Variants in GABRB1 observed in about 807,000 individuals in gnomAD.
The protein encoded by GABRB1 is gamma-aminobutyric acid receptor subunit beta-1.
Under a neutral mutation model 51.6 loss-of-function variants are expected in GABRB1, and 17 were observed. That is an observed-to-expected ratio of 0.33 (90% CI 0.23 to 0.49). The LOEUF (loss-of-function observed/expected upper bound fraction) is 0.49, where lower values mean the gene tolerates loss of function less well. GABRB1 is among the 20% of genes least tolerant of loss of function. The pLI is 0.99. For missense variants in GABRB1, 410 were observed against 600.6 expected (o/e 0.68, Z 3.32); for synonymous variants, 247 against 218.9 (o/e 1.13, Z -1.14).
chr4:47,265,609 T>C (rs1234178500), intron 4 of GABRB1, among the ~76,000 whole-genome samples: 1 of 152,132 alleles, frequency 6.6e-6, no homozygotes, highest in African/African-American at 2.4e-5. Context: ...CATCTATGAT[T>C]TTTGACTTTT....
Position 47,022,727 on chromosome 4 carries a change from C to T in GABRB1, c.-19-9187C>T, listed in dbSNP as rs151052348. Among the ~76,000 whole-genome samples, 40 of 152,116 alleles carry T rather than the reference C, an allele frequency of 2.6e-4. No individual in the cohort carries two copies. The East Asian group carries it at 5.4e-3, about 21-fold the overall frequency. ...AGAATGTAAATTAGTACAATTACTA[C>T]GGAGAACAGTTTGGAGGTTCCTCAA... On this transcript the variant is annotated intron_variant, in intron 1 of 3. Transcript: ENST00000513567.
At chr4:47,403,851 C>G in intron 7 of GABRB1, 140 bp downstream of exon 7, 1 of 758,726 alleles carries the variant, frequency 1.3e-6, no homozygotes, top group Non-Finnish European at 2.1e-6. Flanking sequence ...TATAAAACAT[C>G]TAAATGTAAG....
intron 3 of GABRB1, among the ~76,000 whole-genome samples, chr4:47,108,852 A>T (rs935896488): frequency 2.0e-5 from 3 of 152,062 alleles, no homozygotes; most frequent in Admixed American, 2.0e-4. Context: ...GAAAATAAAC[A>T]TCATTTCCCA....
chr4:47,174,983 C>T (rs992506646), intron 4 of GABRB1, among the ~76,000 whole-genome samples: 3 of 136,424 alleles, frequency 2.2e-5, no homozygotes, highest in Admixed American at 7.6e-5. Flanking sequence ...TTTCATCATT[C>T]CTTCCTTCCT....
intron 8 of GABRB1, among the ~76,000 whole-genome samples, chr4:47,413,855 G>A (rs1461000504): frequency 2.0e-5 from 3 of 152,130 alleles, no homozygotes; most frequent in Admixed American, 6.5e-5. Context: ...CCAGACATTC[G>A]GAGAGTTTCA....
intron 8 of GABRB1, among the ~76,000 whole-genome samples, chr4:47,420,890 G>T (rs1489854882): frequency 1.3e-5 from 2 of 151,772 alleles, no homozygotes; most frequent in Admixed American, 6.6e-5. Flanking sequence ...TGGAGGGTGA[G>T]GGTGAAATAT....
intron 4 of GABRB1, among the ~76,000 whole-genome samples, chr4:47,221,794 C>A (rs1174970427): frequency 6.6e-6 from 1 of 152,052 alleles, no homozygotes; most frequent in East Asian, 1.9e-4. Context: ...TTTTCATCAA[C>A]AGACCAATAC....
chr4:47,403,215 C>A, intron 5 of GABRB1, 103 bp from the exon 6 acceptor site: 1 of 1,291,948 alleles, frequency 7.7e-7, no homozygotes, highest in Non-Finnish European at 1.1e-6. Flanking sequence ...AAAGCAATGC[C>A]ACCTTACCAC....
intron 3 of GABRB1, among the ~76,000 whole-genome samples, chr4:47,131,030 T>C (rs1475752990): frequency 6.6e-6 from 1 of 152,198 alleles, no homozygotes; most frequent in Non-Finnish European, 1.5e-5. Flanking sequence ...TCTCTAAATA[T>C]AACACACTGC....
At chr4:47,208,724 C>A (rs1194103906) in intron 4 of GABRB1, among the ~76,000 whole-genome samples, 1 of 152,052 alleles carries the variant, frequency 6.6e-6, no homozygotes, top group Admixed American at 6.6e-5. Context: ...CTGACACTAT[C>A]GTAGTCCTAG....
rs1263686753 is a variant in GABRB1, at chr4:47,067,909, GTGT to G, written c.240+35430_240+35432del. 2.6e-5 allele frequency among the ~76,000 whole-genome samples: 4 copies of G among 152,160 alleles called. No homozygotes were observed. In the East Asian group the frequency reaches 7.7e-4, roughly 29 times the overall value. ...CCCCACTCCCAACAGGCCCCAGTGT[GTGT>G]TGTTTACCCCTATGTGTCCATGTAT... On this transcript the variant is annotated intron_variant, in intron 3 of 8. Transcript: ENST00000295454.
intron 3 of GABRB1, among the ~76,000 whole-genome samples, chr4:47,142,700 C>T (rs1454413279): frequency 6.6e-6 from 1 of 151,740 alleles, no homozygotes; most frequent in African/African-American, 2.4e-5. Context: ...GGGGATACAT[C>T]TGAATTGAAT....
intron 3 of GABRB1, among the ~76,000 whole-genome samples, chr4:47,134,615 C>T (rs1481706049): frequency 6.6e-6 from 1 of 151,986 alleles, no homozygotes; most frequent in East Asian, 1.9e-4. Context: ...GAAACTGTTA[C>T]CAATAATAAG....
chr4:47,047,954 G>A (rs1191770598), intron 3 of GABRB1, among the ~76,000 whole-genome samples: 1 of 152,094 alleles, frequency 6.6e-6, no homozygotes, highest in Non-Finnish European at 1.5e-5. Flanking sequence ...CAGTAGTTGG[G>A]AAGTGTACAT....
At chr4:47,297,676 G>T (rs1316866372) in intron 4 of GABRB1, among the ~76,000 whole-genome samples, 6 of 152,122 alleles carry the variant, frequency 3.9e-5, no homozygotes, top group Non-Finnish European at 8.8e-5. Context: ...TTCTGCCAAA[G>T]GTACAAGGAG....
intron 5 of GABRB1, among the ~76,000 whole-genome samples, chr4:47,388,080 A>C (rs1160808148): frequency 1.3e-5 from 2 of 152,216 alleles, no homozygotes; most frequent in Non-Finnish European, 2.9e-5. Flanking sequence ...TACATCTACA[A>C]ATTAATCAAG....
At chr4:47,165,787 C>T (rs1004521901) in intron 4 of GABRB1, among the ~76,000 whole-genome samples, 2 of 152,088 alleles carry the variant, frequency 1.3e-5, no homozygotes, top group African/African-American at 4.8e-5. Context: ...CTGCCAGCTC[C>T]TCCTCACATG....
At chr4:47,029,410 A>T (rs1303647561), upstream of GABRB1, among the ~76,000 whole-genome samples, 8 of 151,278 alleles carry the variant, frequency 5.3e-5, no homozygotes, top group South Asian at 2.1e-4. Context: ...GTGGCTTTTG[A>T]TCTTTTCTTA....
rs1235660828 is a variant in GABRB1 at position 47,056,577 on chromosome 4, A to G, written c.240+24093A>G. ...GAGAAGCAAAACCAGAGAAATACACATACAAATGGACAAACTGGTTGGGAA... is the reference window on the plus strand; with the variant it reads ...GAGAAGCAAAACCAGAGAAATACACGTACAAATGGACAAACTGGTTGGGAA... On this transcript the variant is annotated intron_variant, in intron 3 of 8. Coordinates refer to ENST00000295454, the MANE Select transcript of GABRB1 (RefSeq NM_000812.4). Among the ~76,000 whole-genome samples, 3 of 152,190 alleles carry G rather than the reference A, an allele frequency of 2.0e-5. No homozygotes were observed. The East Asian group carries it at 5.8e-4, about 29-fold the overall frequency.
Sources: gnomAD v4.1 joint callset for allele counts (sites outside exome capture counted in the v4.1 genomes callset) on GRCh38, gnomAD v4.1.1 for gene constraint, MANE v1.5 for transcripts, NCBI Gene and HGNC (gene_info 2026-07-23, HGNC 2026-07-21) for gene names.